The following CNTN1 variants were observed in gnomAD, a reference collection of about 807,000 sequenced individuals.
CNTN1 encodes contactin 1, also known as contactin-1.
A neutral mutation model predicts 126.4 loss-of-function variants in CNTN1; 38 were observed. The observed-to-expected ratio is 0.30, with a 90% CI of 0.23 to 0.39. The LOEUF (loss-of-function observed/expected upper bound fraction) is 0.39, where lower values mean the gene tolerates loss of function less well. Ranked by LOEUF, CNTN1 falls within the 10% of genes least tolerant of loss-of-function variation. CNTN1 has a pLI of 1.00. For synonymous variants in CNTN1, 413 were observed against 422.6 expected, an observed-to-expected ratio of 0.98 and a Z score of 0.28; for missense variants, 1,009 against 1,248.4, an observed-to-expected ratio of 0.81 and a Z score of 2.89.
intron 1 of CNTN1, among the ~76,000 whole-genome samples, chr12:40,780,217 A>G (rs1200599613): frequency 6.6e-6 from 1 of 151,972 alleles, no homozygotes; most frequent in East Asian, 1.9e-4. Flanking sequence ...ACAATTGTAC[A>G]GGATGATCAT....
At chr12:41,023,557 G>A (rs1367238654) in intron 20 of CNTN1, among the ~76,000 whole-genome samples, 1 of 152,112 alleles carries the variant, frequency 6.6e-6, no homozygotes, top group Non-Finnish European at 1.5e-5. Flanking sequence ...CTCACACAGT[G>A]GGTAAAATAT....
At chr12:40,845,558 G>C (rs1015714518) in intron 1 of CNTN1, among the ~76,000 whole-genome samples, 1 of 151,704 alleles carries the variant, frequency 6.6e-6, no homozygotes, top group African/African-American at 2.4e-5. Context: ...TTAATGAGAT[G>C]GTGTTGAATA....
intron 1 of CNTN1, among the ~76,000 whole-genome samples, chr12:40,755,490 A>G (rs1358746255): frequency 1.3e-5 from 2 of 151,450 alleles, no homozygotes; most frequent in African/African-American, 4.9e-5. Context: ...AGGTGGGAGG[A>G]TTGCTTGGGG....
chr12:40,949,417 T>C (rs1328662393), intron 14 of CNTN1, among the ~76,000 whole-genome samples: 14 of 100,128 alleles, frequency 1.4e-4, no homozygotes, highest in Admixed American at 2.0e-4. Flanking sequence ...ATGCTATCCC[T>C]ACCCCCCCTC....
chr12:40,873,906 T>G (rs754817945), intron 1 of CNTN1, among the ~76,000 whole-genome samples: 2 of 152,166 alleles, frequency 1.3e-5, no homozygotes, highest in East Asian at 3.8e-4. Context: ...GGCCCTTTAG[T>G]ACATTACCTC....
intron 15 of CNTN1, among the ~76,000 whole-genome samples, chr12:40,963,688 A>C (rs1217828801): frequency 6.6e-6 from 1 of 152,132 alleles, no homozygotes; most frequent in Admixed American, 6.6e-5. Flanking sequence ...GGCTTCTGGT[A>C]TAAAAGTCTA....
In CNTN1 at chr12:40,993,214, A is replaced by T. The variant is rs1363409507; in HGVS notation, c.2058A>T (p.Thr686=). The change falls in exon 17 of 24, where the codon ACA becomes ACT. Residue 686 remains threonine (T), a synonymous_variant. Transcript: ENST00000551295. ...AATTCCGCGTGGTAGCAACCAATAC[A>T]CTGGGTAGAGGAGAGCCCAGTATAC... The part of the protein sequence containing the change: ...EYEFRVVATN[T]LGRGEPSIPS... The T allele has an allele frequency of 1.9e-6, 3 of 1,613,902 alleles. No homozygotes were observed. The highest frequency in any genetic ancestry group is 1.7e-5 in the Admixed American group (1 of 60,004).
At chr12:40,827,043 A>G (rs1337551508) in intron 1 of CNTN1, among the ~76,000 whole-genome samples, 3 of 152,202 alleles carry the variant, frequency 2.0e-5, no homozygotes, top group Admixed American at 1.3e-4. Context: ...TTTTATACAT[A>G]TATGTATTTG....
intron 1 of CNTN1, among the ~76,000 whole-genome samples, chr12:40,757,157 C>T (rs1266250555): frequency 6.6e-6 from 1 of 151,968 alleles, no homozygotes; most frequent in African/African-American, 2.4e-5. Context: ...CTCTTTCTCT[C>T]CTTCTAAGTA....
chr12:41,021,318 G>C (rs1430447458), intron 20 of CNTN1, among the ~76,000 whole-genome samples: 2 of 151,386 alleles, frequency 1.3e-5, no homozygotes, highest in Non-Finnish European at 2.9e-5. Flanking sequence ...TTTTCAGTGA[G>C]TGCTGTCTAG....
intron 1 of CNTN1, among the ~76,000 whole-genome samples, chr12:40,786,565 T>A (rs916757534): frequency 7.2e-5 from 11 of 152,276 alleles, no homozygotes; most frequent in Non-Finnish European, 1.5e-4. Flanking sequence ...GCTTTGAATA[T>A]TATTAGTAGA....
chr12:40,982,701 C>T (rs1254088026), intron 16 of CNTN1, among the ~76,000 whole-genome samples: 6 of 151,882 alleles, frequency 4.0e-5, no homozygotes, highest in Non-Finnish European at 7.4e-5. Context: ...AACATAATAA[C>T]AACAATAAAA....
intron 20 of CNTN1, among the ~76,000 whole-genome samples, chr12:41,023,620 A>G (rs1948974519): frequency 6.6e-6 from 1 of 152,246 alleles, no homozygotes; most frequent in African/African-American, 2.4e-5. Flanking sequence ...GGAATAATGA[A>G]TGCAAAAACT....
At chr12:40,873,212 A>G (rs1355154096) in intron 1 of CNTN1, among the ~76,000 whole-genome samples, 2 of 152,240 alleles carry the variant, frequency 1.3e-5, no homozygotes, top group Non-Finnish European at 2.9e-5. Flanking sequence ...AAAAAGTGCT[A>G]TAAGATATAC....
chr12:40,740,228 G>A (rs558870096), intron 1 of CNTN1, among the ~76,000 whole-genome samples: 74 of 152,186 alleles, frequency 4.9e-4, no homozygotes, highest in African/African-American at 1.5e-3. Context: ...AGCTGAAGTT[G>A]TGACCTTTGA....
At chr12:40,963,230 A>G (rs1280807038) in intron 15 of CNTN1, among the ~76,000 whole-genome samples, 1 of 152,092 alleles carries the variant, frequency 6.6e-6, no homozygotes, top group East Asian at 1.9e-4. Context: ...GCAACATGGC[A>G]AAAAACCCGT....
intron 15 of CNTN1, among the ~76,000 whole-genome samples, chr12:40,978,478 G>T (rs1016273830): frequency 1.3e-5 from 2 of 152,000 alleles, no homozygotes; most frequent in African/African-American, 4.8e-5. Context: ...AATGAAGACT[G>T]TATTGTGGAT....
intron 1 of CNTN1, among the ~76,000 whole-genome samples, chr12:40,811,832 A>G (rs989657865): frequency 2.0e-5 from 3 of 151,356 alleles, no homozygotes; most frequent in African/African-American, 2.4e-5. Flanking sequence ...CTTTTCAAAA[A>G]AAAAAAAACT....
intron 1 of CNTN1, among the ~76,000 whole-genome samples, chr12:40,741,338 C>T (rs1436853901): frequency 1.3e-5 from 2 of 151,968 alleles, no homozygotes; most frequent in Non-Finnish European, 2.9e-5. Flanking sequence ...AACCATAATC[C>T]GTATTTCTTC....
Sources: gnomAD v4.1 joint callset for allele counts (sites outside exome capture counted in the v4.1 genomes callset) on GRCh38, gnomAD v4.1.1 for gene constraint, MANE v1.5 for transcripts, NCBI Gene and HGNC (gene_info 2026-07-23, HGNC 2026-07-21) for gene names.